The following PHF10 variants were observed in gnomAD, a reference collection of about 807,000 sequenced individuals.
PHF10 encodes BRG1-associated factor 45a.
In PHF10, 51 loss-of-function variants were observed where a neutral mutation model predicts 68.5. That is an observed-to-expected ratio of 0.74 (90% CI 0.59 to 0.94). PHF10 has a LOEUF of 0.94. Among genes scored for constraint, PHF10 ranks in the 40% least tolerant of loss-of-function variants. The pLI is 0.00. For synonymous variants in PHF10, 204 were observed against 203.5 expected (o/e 1.00, Z -0.02); for missense variants, 460 against 602.6 (o/e 0.76, Z 2.48).
Position 169,703,908 on chromosome 6 carries a change from G to T in PHF10, c.*95C>A. 3 of 982,458 alleles carry T rather than the reference G, an allele frequency of 3.1e-6. No individual in the cohort carries two copies. The highest frequency in any genetic ancestry group is 4.5e-6 in the Non-Finnish European group (3 of 671,466). 60.9% of individuals were successfully genotyped at this position (982,458 alleles called of 1,614,324 possible). On this transcript the variant is annotated 3_prime_UTR_variant, in exon 12 of 12. Transcript: ENST00000339209. ...ACTGCAGATTTTAAGCTCATAATTT[G>T]CAAAAAAAATCTTTTATTGGCATGA...
chr6:169,712,305 G>T, intron 8 of PHF10, 81 bp downstream of exon 8: 1 of 1,160,836 alleles, frequency 8.6e-7, no homozygotes, highest in Non-Finnish European at 1.3e-6. Flanking sequence ...CTTTTTCAAG[G>T]AGAGGGTGAT....
In PHF10 at chr6:169,717,527, T is replaced by C. The variant is rs558667871; in HGVS notation, c.409+296A>G. 1.5e-4 allele frequency among the ~76,000 whole-genome samples: 23 copies of C among 152,340 alleles called. No homozygotes were observed. The South Asian group carries it at 4.6e-3, about 30-fold the overall frequency. ...TCATGTGACTTGTTACATATTATAC[T>C]GCAAGTGAAAAGAATAATGGTTGTA... On this transcript the variant is annotated intron_variant, in intron 4 of 11. Transcript: ENST00000339209.
intron 2 of PHF10, 106 bp from the exon 3 acceptor site, chr6:169,719,024 C>T: frequency 1.4e-6 from 1 of 728,706 alleles, no homozygotes; most frequent in Non-Finnish European, 2.2e-6. Flanking sequence ...AAATTATTTG[C>T]CTCCTATGAC....
intron 9 of PHF10, 143 bp downstream of exon 9, chr6:169,710,093 A>G: frequency 1.8e-6 from 1 of 543,900 alleles, no homozygotes; most frequent in Non-Finnish European, 3.2e-6. Context: ...CAAAAAAGAA[A>G]GCAGCGGACA....
At chr6:169,720,595 G>C (rs1368318228) in intron 2 of PHF10, among the ~76,000 whole-genome samples, 1 of 152,132 alleles carries the variant, frequency 6.6e-6, no homozygotes, top group Non-Finnish European at 1.5e-5. Context: ...AAGTAACTAA[G>C]TAGTCGTATT....
chr6:169,705,485 A>G (rs1788750735), intron 10 of PHF10, 131 bp downstream of exon 10: 2 of 718,136 alleles, frequency 2.8e-6, no homozygotes, highest in South Asian at 1.7e-5. Flanking sequence ...GGCTGTGTCT[A>G]TGCCTCACAA....
chr6:169,704,871 C>T (rs974770444), intron 11 of PHF10: 3 of 345,594 alleles, frequency 8.7e-6, no homozygotes, highest in Admixed American at 4.8e-5. Context: ...TTTAGTATTT[C>T]AGTAGAAAAA....
chr6:169,705,582 G>C, intron 10 of PHF10, 34 bp downstream of exon 10: 1 of 1,080,210 alleles, frequency 9.3e-7, no homozygotes, highest in African/African-American at 1.5e-5. Flanking sequence ...TAAATACGGT[G>C]GTTAAAATTT....
At chr6:169,711,994 A>T (rs1403598679) in intron 8 of PHF10, among the ~76,000 whole-genome samples, 1 of 152,224 alleles carries the variant, frequency 6.6e-6, no homozygotes, top group Non-Finnish European at 1.5e-5. Context: ...ACTAAACATA[A>T]TATTTTCCTA....
Position 169,723,874 on chromosome 6 carries a change from G to A in PHF10, c.58C>T (p.Pro20Ser). Reference sequence around the variant, plus strand: ...GGGGACTGCGCTCCGGGGGTGGCTGGGTCGCTGTCGCACGGCCGCGGGGAC... The same window carrying A: ...GGGGACTGCGCTCCGGGGGTGGCTGAGTCGCTGTCGCACGGCCGCGGGGAC... ...ALSPRPCDSDPATPGAQSPKD... is the reference protein window; with the variant it reads ...ALSPRPCDSDSATPGAQSPKD... Residue 20 changes from proline to serine, a missense_variant, in exon 1 of 12, where the codon CCA becomes TCA. This residue lies in a region of PHF10 where 93 missense variants were observed against 82.4 expected (regional missense o/e 1.13). Transcript: ENST00000339209. 1.8e-6 allele frequency: 2 copies of A among 1,099,090 alleles called. No individual in the cohort carries two copies. Among genetic ancestry groups the A allele is most frequent in the South Asian group, 4.3e-5 (1 of 23,004 alleles). 68.1% of individuals were successfully genotyped at this position (1,099,090 alleles called of 1,614,324 possible).
intron 1 of PHF10, 83 bp downstream of exon 1, chr6:169,723,762 G>T: frequency 2.6e-6 from 1 of 387,224 alleles, no homozygotes. Flanking sequence ...GACGCTGGGC[G>T]GCCGCCGGTG....
At chr6:169,711,633 AGTT>A (rs1405149012) in intron 8 of PHF10, among the ~76,000 whole-genome samples, 2 of 152,170 alleles carry the variant, frequency 1.3e-5, no homozygotes, top group Non-Finnish European at 2.9e-5. Flanking sequence ...ACAGGAGAAA[AGTT>A]GTGTCACCAC....
Position 169,724,336 on chromosome 6 carries a change from C to A in PHF10, c.-405G>T, listed in dbSNP as rs902999114. Among the ~76,000 whole-genome samples, 2 of 144,338 alleles carry A rather than the reference C, an allele frequency of 1.4e-5. No individual in the cohort carries two copies. Among genetic ancestry groups the A allele is most frequent in the Non-Finnish European group, 3.1e-5 (2 of 64,922 alleles). 94.7% of individuals were successfully genotyped at this position (144,338 alleles called of 152,430 possible). A position where few individuals can be genotyped will look rare whatever the true frequency, so the allele number is the denominator to read the frequency against. ...GCCGCGACTCCCTTCAGCCCCGCCA[C>A]TCGCTCGCCTCAGCCCCGCCGCTCG... On this transcript the variant is annotated 5_prime_UTR_variant, in exon 1 of 12. Coordinates refer to ENST00000339209, the MANE Select transcript of PHF10 (RefSeq NM_018288.4).
chr6:169,710,034 A>C, intron 9 of PHF10: 1 of 424,702 alleles, frequency 2.4e-6, no homozygotes, highest in Non-Finnish European at 4.2e-6. Context: ...CAGAAAACAG[A>C]AGGTAAACCA....
At chr6:169,723,073 C>T (rs1423976966) in intron 1 of PHF10, among the ~76,000 whole-genome samples, 1 of 152,234 alleles carries the variant, frequency 6.6e-6, no homozygotes, top group Non-Finnish European at 1.5e-5. Context: ...GACGGCTTCC[C>T]CTGCCAACGC....
In PHF10 at chr6:169,721,092, G is replaced by A; in HGVS notation, c.107C>T (p.Ser36Leu). Residue 36 changes from serine to leucine, a missense_variant, in exon 2 of 12, where the codon TCA becomes TTA. Physicochemically the swap from Ser to Leu is moderately radical, Grantham distance 145 (BLOSUM62 -2). Transcript: ENST00000339209. ...TTTGGATGGCTGGGTCCCATCATTT[G>A]AATTATCTTCATTATCATCCTATAC... ...QSPKDDNEDN[S>L]NDGTQPSKRR... 6.6e-7 allele frequency: 1 copy of A among 1,526,012 alleles called. No homozygotes were observed. Among genetic ancestry groups the A allele is most frequent in the Non-Finnish European group, 8.9e-7 (1 of 1,125,262 alleles). 94.5% of individuals were successfully genotyped at this position (1,526,012 alleles called of 1,614,324 possible). A position where few individuals can be genotyped will look rare whatever the true frequency, so the allele number is the denominator to read the frequency against.
intron 6 of PHF10, 87 bp from the exon 7 acceptor site, chr6:169,714,929 C>T (rs950417707): frequency 1.2e-5 from 9 of 751,448 alleles, no homozygotes; most frequent in South Asian, 1.0e-4. Flanking sequence ...CACCACTGCA[C>T]GCCCACTTCC....
At chr6:169,706,800 ATTATT>A (rs1317637543) in intron 9 of PHF10, among the ~76,000 whole-genome samples, 13 of 151,136 alleles carry the variant, frequency 8.6e-5, no homozygotes, top group East Asian at 2.0e-4. Context: ...TGGGAAAATA[ATTATT>A]TTAAGTAGAA....
chr6:169,705,506 G>T, intron 10 of PHF10, 110 bp downstream of exon 10: 1 of 758,956 alleles, frequency 1.3e-6, no homozygotes, highest in Non-Finnish European at 2.3e-6. Flanking sequence ...GCTACCCTGT[G>T]TATTTAATTT....
Sources: allele counts gnomAD v4.1 joint callset (sites outside exome capture counted in the v4.1 genomes callset), GRCh38; gene constraint gnomAD v4.1.1; regional missense constraint gnomAD v4.1.1; transcripts MANE v1.5; gene names NCBI Gene and HGNC (gene_info 2026-07-23, HGNC 2026-07-21).